ARHGAP24: variants seen among roughly 807,000 people sequenced by gnomAD.
The protein encoded by ARHGAP24 is Rho GTPase activating protein 24.
Under a neutral mutation model 76.4 loss-of-function variants are expected in ARHGAP24, and 50 were observed. The ratio of observed to expected loss-of-function variants is 0.65; its 90% CI spans 0.52 to 0.83. ARHGAP24 has a LOEUF of 0.83. Among genes scored for constraint, ARHGAP24 ranks in the 40% least tolerant of loss-of-function variants. The probability of loss-of-function intolerance (pLI) is 0.00; values close to 1 mark genes in which losing one functional copy is unlikely to be tolerated. For synonymous variants in ARHGAP24, 345 were observed against 323.3 expected (o/e 1.07, Z -0.72); for missense variants, 930 against 914.2 (o/e 1.02, Z -0.22).
At chr4:85,860,994 A>G (rs1007964780) in intron 3 of ARHGAP24, among the ~76,000 whole-genome samples, 1 of 137,826 alleles carries the variant, frequency 7.3e-6, no homozygotes, top group African/African-American at 3.2e-5. Context: ...TATTCTGTGC[A>G]TGCACGCACA....
chr4:85,686,849 T>C (rs191623708), intron 2 of ARHGAP24, among the ~76,000 whole-genome samples: 1 of 145,414 alleles, frequency 6.9e-6, no homozygotes, highest in East Asian at 1.9e-4. Context: ...AGTAAATTAG[T>C]CTTCTCTGCT....
intron 2 of ARHGAP24, among the ~76,000 whole-genome samples, chr4:85,694,920 A>T (rs1723814443): frequency 2.0e-5 from 3 of 152,216 alleles, no homozygotes; most frequent in African/African-American, 7.2e-5. Flanking sequence ...GCCATACCTG[A>T]GTTATCAATT....
chr4:85,922,099 C>T (rs185197551), intron 3 of ARHGAP24, among the ~76,000 whole-genome samples: 4 of 152,272 alleles, frequency 2.6e-5, no homozygotes, highest in Non-Finnish European at 4.4e-5. Flanking sequence ...AAAGATTTGT[C>T]AACATATGGA....
At chr4:85,896,217 T>C (rs369491693) in intron 3 of ARHGAP24, among the ~76,000 whole-genome samples, 1 of 152,360 alleles carries the variant, frequency 6.6e-6, no homozygotes, top group East Asian at 1.9e-4. Context: ...AGTTTAACTT[T>C]TTGATTTTAG....
chr4:85,917,841 A>G (rs949332766), intron 3 of ARHGAP24, among the ~76,000 whole-genome samples: 4 of 152,194 alleles, frequency 2.6e-5, no homozygotes, highest in African/African-American at 7.2e-5. Context: ...CTATTTTTGG[A>G]ACTTTTCACA....
rs1244894308 is a variant in ARHGAP24, at chr4:85,923,776, T to C, written c.391+6T>C. 3 of 1,613,682 alleles carry C rather than the reference T, an allele frequency of 1.9e-6. No homozygotes were observed. The South Asian group carries it at 3.3e-5, about 18-fold the overall frequency. On this transcript the variant is annotated splice_donor_region_variant and intron_variant, in intron 4 of 9. Coordinates refer to ENST00000395184, the MANE Select transcript of ARHGAP24 (RefSeq NM_001025616.3). Reference sequence around the variant, plus strand: ...ATGGGGACCTTTCGGAGGAGGTGAGTGTACTTTAAAATCATGGAAAAACAG... The same window carrying C: ...ATGGGGACCTTTCGGAGGAGGTGAGCGTACTTTAAAATCATGGAAAAACAG...
chr4:85,799,351 G>A (rs553452586), intron 3 of ARHGAP24, among the ~76,000 whole-genome samples: 1 of 152,058 alleles, frequency 6.6e-6, no homozygotes, highest in Non-Finnish European at 1.5e-5. Flanking sequence ...CATATTGAAA[G>A]GGCCCACTAA....
chr4:85,801,148 A>G (rs953447644), intron 3 of ARHGAP24, among the ~76,000 whole-genome samples: 7 of 152,136 alleles, frequency 4.6e-5, no homozygotes, highest in African/African-American at 1.7e-4. Flanking sequence ...GTTCAAGTAT[A>G]GCAATTTTAA....
intron 5 of ARHGAP24, among the ~76,000 whole-genome samples, chr4:85,945,817 A>T (rs1036847497): frequency 2.0e-5 from 3 of 151,732 alleles, no homozygotes; most frequent in Admixed American, 6.6e-5. Context: ...ATTACTAGAG[A>T]CCTTAATATT....
At position 85,687,549 on chromosome 4, in the gene ARHGAP24, A is replaced by G. The variant is rs1291030979; in HGVS notation, c.181-34336A>G. 4.6e-5 allele frequency among the ~76,000 whole-genome samples: 7 copies of G among 152,296 alleles called. No individual in the cohort carries two copies. The South Asian group carries it at 1.0e-3, about 23-fold the overall frequency. ...CTCTTCCTGTGTTAATTCACTCAGG[A>G]TTATGGACACCAGCTGCATTCATAT... On this transcript the variant is annotated intron_variant, in intron 2 of 9. Coordinates refer to ENST00000395184, the MANE Select transcript of ARHGAP24 (RefSeq NM_001025616.3).
At chr4:85,807,938 C>T (rs1449897472) in intron 3 of ARHGAP24, among the ~76,000 whole-genome samples, 2 of 152,038 alleles carry the variant, frequency 1.3e-5, no homozygotes, top group African/African-American at 2.4e-5. Flanking sequence ...TTTTTGTCTC[C>T]CCCTGTATCC....
chr4:85,487,396 A>G (rs1723119257), intron 1 of ARHGAP24, among the ~76,000 whole-genome samples: 1 of 113,922 alleles, frequency 8.8e-6, no homozygotes, highest in Non-Finnish European at 1.6e-5. Flanking sequence ...TTATATAAAC[A>G]TGTAAATATA....
At chr4:85,979,345 T>C (rs181033850) in intron 8 of ARHGAP24, among the ~76,000 whole-genome samples, 108 of 152,294 alleles carry the variant, frequency 7.1e-4, no homozygotes, top group Middle Eastern at 6.8e-3. Flanking sequence ...ACATGAAATG[T>C]ATCATCTTAA....
chr4:85,888,568 G>C (rs1279129984), intron 3 of ARHGAP24, among the ~76,000 whole-genome samples: 2 of 151,700 alleles, frequency 1.3e-5, no homozygotes, highest in African/African-American at 4.8e-5. Flanking sequence ...AAATACTGAG[G>C]TATCTTTTTT....
intron 2 of ARHGAP24, among the ~76,000 whole-genome samples, chr4:85,656,285 A>G (rs1479721074): frequency 6.6e-6 from 1 of 152,230 alleles, no homozygotes; most frequent in Non-Finnish European, 1.5e-5. Context: ...AAATTTGACA[A>G]TGTAAATGAC....
At chr4:85,643,426 T>C (rs1219536750) in intron 2 of ARHGAP24, among the ~76,000 whole-genome samples, 1 of 119,090 alleles carries the variant, frequency 8.4e-6, no homozygotes, top group Admixed American at 9.9e-5. Context: ...GCCCGGCTAA[T>C]TTTTTGTATT....
At chr4:85,771,088 A>T (rs1578212051) in intron 3 of ARHGAP24, among the ~76,000 whole-genome samples, 1 of 152,132 alleles carries the variant, frequency 6.6e-6, no homozygotes, top group East Asian at 1.9e-4. Context: ...ATGTTCTTTT[A>T]TATGGGAGAC....
At chr4:85,582,630 T>G (rs957701660) in intron 2 of ARHGAP24, among the ~76,000 whole-genome samples, 1 of 152,096 alleles carries the variant, frequency 6.6e-6, no homozygotes, top group Non-Finnish European at 1.5e-5. Flanking sequence ...ACAGAGACTG[T>G]AACACTCTTT....
intron 3 of ARHGAP24, among the ~76,000 whole-genome samples, chr4:85,885,927 C>A (rs1394231803): frequency 1.3e-5 from 2 of 152,010 alleles, no homozygotes; most frequent in Non-Finnish European, 2.9e-5. Context: ...AATAGGAATC[C>A]CGCACAGAGA....
Sources: allele counts gnomAD v4.1 joint callset (sites outside exome capture counted in the v4.1 genomes callset), GRCh38; gene constraint gnomAD v4.1.1; transcripts MANE v1.5; gene names NCBI Gene and HGNC (gene_info 2026-07-23, HGNC 2026-07-21).